The following TBC1D9B variants were observed in gnomAD, a reference collection of about 807,000 sequenced individuals.
The protein encoded by TBC1D9B is TBC1 domain family member 9B, also known as TBC1 domain family, member 9B (with GRAM domain).
A neutral mutation model predicts 121.1 loss-of-function variants in TBC1D9B; 87 were observed. The ratio of observed to expected loss-of-function variants is 0.72; its 90% CI spans 0.60 to 0.86. The LOEUF (loss-of-function observed/expected upper bound fraction) is 0.86, where lower values mean the gene tolerates loss of function less well. Ranked by LOEUF, TBC1D9B falls within the 40% of genes least tolerant of loss-of-function variation. The pLI is 0.00. For missense variants in TBC1D9B, 1,540 were observed against 1,628.6 expected, an observed-to-expected ratio of 0.95 and a Z score of 0.94; for synonymous variants, 668 against 670.1, an observed-to-expected ratio of 1.00 and a Z score of 0.05.
At position 179,881,946 on chromosome 5, in the gene TBC1D9B, G is replaced by GTTTTTTTTTTTTTTTTTTTTTTTTT; in HGVS notation, c.1255-2158_1255-2157insAAAAAAAAAAAAAAAAAAAAAAAAA. 5.1e-4 allele frequency among the ~76,000 whole-genome samples: 66 copies of GTTTTTTTTTTTTTTTTTTTTTTTTT among 128,266 alleles called. 4 individuals carry two copies. The highest frequency in any genetic ancestry group is 2.1e-3 in the African/African-American group (63 of 29,952). The allele number at this position is 128,266 out of a possible 152,430, so 84.1% of individuals were successfully genotyped here. A position where few individuals can be genotyped will look rare whatever the true frequency, so the allele number is the denominator to read the frequency against. Reference sequence around the variant, plus strand: ...TTCCATATCTTTCCATATACCTTCCGTTTTTTTTTTTTTTTTGAGATGGAG... The same window carrying GTTTTTTTTTTTTTTTTTTTTTTTTT: ...TTCCATATCTTTCCATATACCTTCCGTTTTTTTTTTTTTTTTTTTTTTTTTTTTTTTTTTTTTTTTTGAGATGGAG... On this transcript the variant is annotated intron_variant, in intron 7 of 20. Coordinates refer to ENST00000355235, the MANE Select transcript of TBC1D9B (RefSeq NM_015043.4).
Position 179,875,306 on chromosome 5 carries a change from G to T in TBC1D9B, c.1901-119C>A. 1 of 1,256,432 alleles carries T rather than the reference G, an allele frequency of 8.0e-7. No individual in the cohort carries two copies. The highest frequency in any genetic ancestry group is 1.5e-5 in the South Asian group (1 of 66,342). 77.8% of individuals were successfully genotyped at this position (1,256,432 alleles called of 1,614,324 possible). A position where few individuals can be genotyped will look rare whatever the true frequency, so the allele number is the denominator to read the frequency against. On this transcript the variant is annotated intron_variant, in intron 11 of 20. Coordinates refer to ENST00000355235, the MANE Select transcript of TBC1D9B (RefSeq NM_015043.4). The surrounding 1 kb of genome is among the most constrained non-coding windows in gnomAD (Gnocchi z 4.5). ...TGCCAGCTGTGCAGTGAGGGCTGAG[G>T]GAGACTTGGAGTGCTGGGAGAAAAC...
intron 18 of TBC1D9B, chr5:179,866,920 A>ACTTTC (rs1760029640): frequency 6.4e-6 from 1 of 155,150 alleles, no homozygotes; most frequent in African/African-American, 2.4e-5. Context: ...GCATGTCACC[A>ACTTTC]GCTCGACTGC....
intron 20 of TBC1D9B, 44 bp from the exon 21 acceptor site, chr5:179,864,172 C>A: frequency 6.5e-7 from 1 of 1,532,738 alleles, no homozygotes; most frequent in Non-Finnish European, 8.8e-7. Flanking sequence ...GGTAAAAGAC[C>A]AGTCAGACGG....
chr5:179,873,322 C>T (rs1041972137), intron 12 of TBC1D9B, 74 bp from the exon 13 acceptor site: 17 of 1,477,094 alleles, frequency 1.2e-5, no homozygotes, highest in East Asian at 2.5e-5. Context: ...CTGGGTGATG[C>T]GGAGGGACCC....
In TBC1D9B at chr5:179,907,854, G is replaced by C. The variant is rs750860662; in HGVS notation, c.-33C>G. On this transcript the variant is annotated 5_prime_UTR_variant, in exon 1 of 21. Coordinates refer to ENST00000355235, the MANE Select transcript of TBC1D9B (RefSeq NM_015043.4). The surrounding 1 kb of genome is among the most constrained non-coding windows in gnomAD (Gnocchi z 5.3). Reference sequence around the variant, plus strand: ...CCGCTCGCACCGGGCCGAGGCCCGCGAGACGGAAGCGCCCGCCGCCGTCGG... The same window carrying C: ...CCGCTCGCACCGGGCCGAGGCCCGCCAGACGGAAGCGCCCGCCGCCGTCGG... The C allele has an allele frequency of 2.9e-5, 30 of 1,047,740 alleles. No individual in the cohort carries two copies. Among genetic ancestry groups the C allele is most frequent in the Non-Finnish European group, 3.2e-5 (28 of 864,164 alleles). The allele number at this position is 1,047,740 out of a possible 1,614,324, so 64.9% of individuals were successfully genotyped here. A position where few individuals can be genotyped will look rare whatever the true frequency, so the allele number is the denominator to read the frequency against.
rs1761187979 is a variant in TBC1D9B, at chr5:179,902,359, A to G, written c.229+2343T>C. On this transcript the variant is annotated intron_variant, in intron 2 of 20. Coordinates refer to ENST00000355235, the MANE Select transcript of TBC1D9B (RefSeq NM_015043.4). This position sits in a 1 kb window ranked among gnomAD's most constrained non-coding sequence, Gnocchi z 4.9. Reference sequence around the variant, plus strand: ...GCTGGGGAGACAAGGCCAGAAATGGAGGCAGGCAGACCCCCAGGTGTCCTC... The same window carrying G: ...GCTGGGGAGACAAGGCCAGAAATGGGGGCAGGCAGACCCCCAGGTGTCCTC... Among the ~76,000 whole-genome samples, 1 of 152,170 alleles carries G rather than the reference A, an allele frequency of 6.6e-6. No individual in the cohort carries two copies. Among genetic ancestry groups the G allele is most frequent in the Non-Finnish European group, 1.5e-5 (1 of 68,014 alleles).
chr5:179,865,843 C>T lies in TBC1D9B; in HGVS notation c.2909G>A (p.Arg970Lys), dbSNP rs1759991728. The change falls in exon 19 of 21, where the codon AGA becomes AAA. Residue 970 changes from arginine to lysine, a missense_variant. By Grantham distance (26) the Arg-to-Lys change is conservative. Coordinates refer to ENST00000355235, the MANE Select transcript of TBC1D9B (RefSeq NM_015043.4). The surrounding 1 kb of genome is among the most constrained non-coding windows in gnomAD (Gnocchi z 5.1). The part of the protein sequence containing the change: ...EEQEGSGSEE[R>K]GEEKGTSSPD... ...CGGCAGAGAATGGCCTGTACCTCCT[C>T]TCTCCTCACTTCCACTTCCTTCTTG... The T allele has an allele frequency of 1.9e-6, 3 of 1,608,364 alleles. No individual in the cohort carries two copies. Among genetic ancestry groups the T allele is most frequent in the Non-Finnish European group, 2.5e-6 (3 of 1,176,966 alleles).
In TBC1D9B at chr5:179,879,034, G is replaced by A; in HGVS notation, c.1567+13C>T. 6.3e-7 allele frequency: 1 copy of A among 1,598,434 alleles called. No homozygotes were observed. The highest frequency in any genetic ancestry group is 1.1e-5 in the South Asian group (1 of 90,908). On this transcript the variant is annotated intron_variant, in intron 9 of 20. Coordinates refer to ENST00000355235, the MANE Select transcript of TBC1D9B (RefSeq NM_015043.4). Reference sequence around the variant, plus strand: ...GGCTGAGCTGAGGCTGGGGGTGGCTGCACCCCACTCACCGGAGAAGAGGAG... The same window carrying A: ...GGCTGAGCTGAGGCTGGGGGTGGCTACACCCCACTCACCGGAGAAGAGGAG...
Position 179,902,672 on chromosome 5 carries a change from G to A in TBC1D9B, c.229+2030C>T, listed in dbSNP as rs554141303. ...CTCGTACTTTTCTCTCCCCAGGGACGGGCAGCTCTTGCTGCCAGAGATGGA... is the reference window on the plus strand; with the variant it reads ...CTCGTACTTTTCTCTCCCCAGGGACAGGCAGCTCTTGCTGCCAGAGATGGA... On this transcript the variant is annotated intron_variant, in intron 2 of 20. Transcript: ENST00000355235. This position sits in a 1 kb window ranked among gnomAD's most constrained non-coding sequence, Gnocchi z 4.9. Among the ~76,000 whole-genome samples, 5 of 152,232 alleles carry A rather than the reference G, an allele frequency of 3.3e-5. No homozygotes were observed. The highest frequency in any genetic ancestry group is 1.3e-4 in the Admixed American group (2 of 15,300).
chr5:179,896,222 C>T (rs762061805), intron 3 of TBC1D9B, among the ~76,000 whole-genome samples: 1 of 152,204 alleles, frequency 6.6e-6, no homozygotes, highest in Non-Finnish European at 1.5e-5. Context: ...ATCCAAGTTT[C>T]TCCCATGAAT....
At chr5:179,889,292 T>G (rs1760789218) in intron 6 of TBC1D9B, among the ~76,000 whole-genome samples, 1 of 152,062 alleles carries the variant, frequency 6.6e-6, no homozygotes, top group South Asian at 2.1e-4. Context: ...CCTCCCAAAG[T>G]GCTGGGATTA....
intron 7 of TBC1D9B, among the ~76,000 whole-genome samples, chr5:179,886,444 C>T (rs569816780): frequency 1.5e-4 from 23 of 152,206 alleles, no homozygotes; most frequent in Non-Finnish European, 2.5e-4. Context: ...AGAGGAGGCT[C>T]GACCACCCTG....
At position 179,862,309 on chromosome 5, in the gene TBC1D9B, G is replaced by C. The variant is rs1000313955; in HGVS notation, c.*1139C>G. 5 of 289,400 alleles carry C rather than the reference G, an allele frequency of 1.7e-5. No individual in the cohort carries two copies. Among genetic ancestry groups the C allele is most frequent in the African/African-American group, 1.1e-4 (5 of 46,138 alleles). The allele number at this position is 289,400 out of a possible 1,614,324, so 17.9% of individuals were successfully genotyped here. A position where few individuals can be genotyped will look rare whatever the true frequency, so the allele number is the denominator to read the frequency against. ...TAGAAGCAAGAGCAGCCCCATGTGG[G>C]GGCTAACACTGGACACTGGTCAGTT... On this transcript the variant is annotated 3_prime_UTR_variant, in exon 21 of 21. Transcript: ENST00000355235.
chr5:179,863,601 A>G lies in TBC1D9B; in HGVS notation c.3549T>C (p.Phe1183=). The G allele has an allele frequency of 6.2e-7, 1 of 1,614,070 alleles. No individual in the cohort carries two copies. Among genetic ancestry groups the G allele is most frequent in the Non-Finnish European group, 8.5e-7 (1 of 1,180,036 alleles). The change falls in exon 21 of 21, where the codon TTT becomes TTC. Residue 1183 remains phenylalanine (F), a synonymous_variant. Transcript: ENST00000355235. This position sits in a 1 kb window ranked among gnomAD's most constrained non-coding sequence, Gnocchi z 4.5. ...GTVDTDWCIS[F]EQILASILTE... The stretch of plus-strand genomic sequence containing the variant: ...TCAGGATGGAGGCCAGGATCTGCTC[A>G]AAGGAGATGCACCAGTCGGTGTCGA...
intron 4 of TBC1D9B, among the ~76,000 whole-genome samples, chr5:179,894,000 G>A (rs998053512): frequency 2.6e-5 from 4 of 152,144 alleles, no homozygotes; most frequent in Admixed American, 1.3e-4. Flanking sequence ...AATCAGGCTC[G>A]CATCCTGTGG....
At chr5:179,888,607 A>C (rs1218101100) in intron 6 of TBC1D9B, among the ~76,000 whole-genome samples, 1 of 152,192 alleles carries the variant, frequency 6.6e-6, no homozygotes, top group Non-Finnish European at 1.5e-5. Context: ...GGCTCTCAGA[A>C]GGCTGTCCGA....
chr5:179,902,150 C>T lies in TBC1D9B; in HGVS notation c.229+2552G>A, dbSNP rs541293048. On this transcript the variant is annotated intron_variant, in intron 2 of 20. Transcript: ENST00000355235. This position sits in a 1 kb window ranked among gnomAD's most constrained non-coding sequence, Gnocchi z 4.9. ...GGCCTCATGGGCTTCCACGTAAAAGCGTGTGCAGACACGTCATGTCCAGAG... is the reference window on the plus strand; with the variant it reads ...GGCCTCATGGGCTTCCACGTAAAAGTGTGTGCAGACACGTCATGTCCAGAG... 1.3e-5 allele frequency among the ~76,000 whole-genome samples: 2 copies of T among 152,348 alleles called. No homozygotes were observed. Among genetic ancestry groups the T allele is most frequent in the African/African-American group, 2.4e-5 (1 of 41,566 alleles).
rs1393415238 is a variant in TBC1D9B at position 179,891,439 on chromosome 5, G to GTT, written c.982_983dup (p.Asn328LysfsTer20). The GTT allele has an allele frequency of 6.2e-7, 1 of 1,614,262 alleles. No individual in the cohort carries two copies. ...CCTCCTTGCTGGCGAAGCAGATGTA[G>GTT]TTGTTGGAGATGAACATCTGGCCAG... On this transcript the variant is annotated frameshift_variant, in exon 6 of 21. Transcript: ENST00000355235. LOFTEE classifies it high-confidence loss of function. This position sits in a 1 kb window ranked among gnomAD's most constrained non-coding sequence, Gnocchi z 4.3.
At chr5:179,901,781 T>C (rs1761173249) in intron 2 of TBC1D9B, among the ~76,000 whole-genome samples, 1 of 152,222 alleles carries the variant, frequency 6.6e-6, no homozygotes, top group African/African-American at 2.4e-5. Context: ...AACATTTCTT[T>C]TTTTACATAT....
Sources: gnomAD v4.1 joint callset for allele counts (sites outside exome capture counted in the v4.1 genomes callset) on GRCh38, gnomAD v4.1.1 for gene constraint, Gnocchi (gnomAD v3.1) non-coding constraint, MANE v1.5 for transcripts, NCBI Gene and HGNC (gene_info 2026-07-23, HGNC 2026-07-21) for gene names.